CD5: variants seen among roughly 807,000 people sequenced by gnomAD.
CD5 encodes the protein T-cell surface glycoprotein CD5.
CD5 carries 36 observed loss-of-function variants against 60.3 expected under a neutral mutation model. The ratio of observed to expected loss-of-function variants is 0.60; its 90% CI spans 0.46 to 0.79. CD5 has a LOEUF of 0.79. Ranked by LOEUF, CD5 falls within the 30% of genes least tolerant of loss-of-function variation. CD5 has a pLI of 0.00. For missense variants in CD5, 540 were observed against 630.6 expected (o/e 0.86, Z 1.54); for synonymous variants, 230 against 257.6 (o/e 0.89, Z 1.03).
At chr11:61,096,828 C>G in the CD5 span, among the ~76,000 whole-genome samples, 2 of 152,212 alleles carry the variant, frequency 1.3e-5, no homozygotes, top group Non-Finnish European at 2.9e-5. Flanking sequence ...GGTGGTCAGC[C>G]AAGCCCCTGT....
In CD5 at chr11:61,126,702, T is replaced by G. The variant is rs532971998; in HGVS notation, c.*417T>G. 6.0e-4 allele frequency: 91 copies of G among 152,436 alleles called. No homozygotes were observed. Among genetic ancestry groups the G allele is most frequent in the African/African-American group, 2.1e-3 (89 of 41,580 alleles). The allele number at this position is 152,436 out of a possible 1,614,324, so 9.4% of individuals were successfully genotyped here. A position where few individuals can be genotyped will look rare whatever the true frequency, so the allele number is the denominator to read the frequency against. Reference sequence around the variant, plus strand: ...AATAGTTTTTTGTAAGTAGTGCTTTTCCTCCTTCCTGACAAATCGAGCGCT... The same window carrying G: ...AATAGTTTTTTGTAAGTAGTGCTTTGCCTCCTTCCTGACAAATCGAGCGCT... On this transcript the variant is annotated 3_prime_UTR_variant, in exon 11 of 11. Coordinates refer to ENST00000347785, the MANE Select transcript of CD5 (RefSeq NM_014207.4).
At chr11:61,124,968 C>G in intron 8 of CD5, 64 bp from the exon 9 acceptor site, 1 of 1,607,002 alleles carries the variant, frequency 6.2e-7, no homozygotes, top group Non-Finnish European at 8.5e-7. Flanking sequence ...TTCTGGGCAC[C>G]TGCTGGGGAA....
rs1565185067 is a variant in CD5, at chr11:61,116,555, CACACACCA to C, written c.94+1462_94+1469del. ...CACCCCACACCACACACACACACCA[CACACACCA>C]CACACACACCACACACACCACATGC... On this transcript the variant is annotated intron_variant, in intron 2 of 10. Transcript: ENST00000347785. 1.1e-3 allele frequency among the ~76,000 whole-genome samples: 108 copies of C among 99,578 alleles called. 1 individual carries two copies. Among genetic ancestry groups the C allele is most frequent in the African/African-American group, 3.1e-3 (81 of 26,100 alleles). The allele number at this position is 99,578 out of a possible 152,430, so 65.3% of individuals were successfully genotyped here.
chr11:61,119,206 C>T (rs1256880418), intron 4 of CD5, 28 bp from the exon 5 acceptor site: 1 of 1,543,090 alleles, frequency 6.5e-7, no homozygotes, highest in East Asian at 2.3e-5. Flanking sequence ...CTCAGGGTGG[C>T]TCCCCCTCCT....
At chr11:61,096,200 C>T in the CD5 span, among the ~76,000 whole-genome samples, 1 of 152,350 alleles carries the variant, frequency 6.6e-6, no homozygotes. Flanking sequence ...GTAACCAATG[C>T]GCCTGTTGTA....
chr11:61,104,110 T>C (rs1565182197), intron 1 of CD5, among the ~76,000 whole-genome samples: 1 of 120,094 alleles, frequency 8.3e-6, no homozygotes, highest in African/African-American at 3.2e-5. Context: ...GAGTACTGTG[T>C]GGGGGGAATG....
intron 8 of CD5, among the ~76,000 whole-genome samples, chr11:61,124,564 A>C (rs888074327): frequency 6.6e-6 from 1 of 151,858 alleles, no homozygotes; most frequent in Admixed American, 6.6e-5. Flanking sequence ...TAATGGATGG[A>C]GACATGGCGC....
chr11:61,116,457 CCA>C (rs1190327267), intron 2 of CD5, among the ~76,000 whole-genome samples: 2 of 138,722 alleles, frequency 1.4e-5, no homozygotes, highest in Non-Finnish European at 3.1e-5. Flanking sequence ...ACCACAAACA[CCA>C]CACACACACC....
chr11:61,106,855 T>G (rs1411414366), intron 1 of CD5, among the ~76,000 whole-genome samples: 1 of 152,174 alleles, frequency 6.6e-6, no homozygotes, highest in Non-Finnish European at 1.5e-5. Flanking sequence ...CCTTGCTGTG[T>G]CCACCTCAAA....
At chr11:61,122,807 G>C (rs1232125287) in intron 6 of CD5, 100 bp from the exon 7 acceptor site, 1 of 1,299,350 alleles carries the variant, frequency 7.7e-7, no homozygotes, top group African/African-American at 1.5e-5. Flanking sequence ...TTTCTCAGAT[G>C]AGCAAGGATG....
At chr11:61,107,101 CAGAT>C (rs1860787593) in intron 1 of CD5, among the ~76,000 whole-genome samples, 1 of 152,180 alleles carries the variant, frequency 6.6e-6, no homozygotes, top group African/African-American at 2.4e-5. Context: ...TGGAGACAGA[CAGAT>C]AGAGGAGGGC....
intron 1 of CD5, among the ~76,000 whole-genome samples, 189 bp from the exon 2 acceptor site, chr11:61,114,867 G>A (rs1382425531): frequency 2.0e-5 from 3 of 152,078 alleles, no homozygotes; most frequent in Admixed American, 6.6e-5. Flanking sequence ...GATAGTTGCA[G>A]CCCACTAGAT....
chr11:61,110,519 G>A (rs1401930526), intron 1 of CD5, among the ~76,000 whole-genome samples: 2 of 152,200 alleles, frequency 1.3e-5, no homozygotes, highest in East Asian at 3.8e-4. Context: ...CTGACTGAAC[G>A]GAATCACAAG....
At position 61,122,936 on chromosome 11, in the gene CD5, G is replaced by A. The variant is rs117646548; in HGVS notation, c.1129G>A (p.Ala377Thr). Residue 377 changes from alanine to threonine, a missense_variant, in exon 7 of 11, where the codon GCA (alanine) becomes ACA (threonine). Coordinates refer to ENST00000347785, the MANE Select transcript of CD5 (RefSeq NM_014207.4). Reference protein sequence around the residue: ...CQDPNPAGLAAGTVASIILAL... With the variant: ...CQDPNPAGLATGTVASIILAL... ...GGATCCAAACCCCGCAGGCCTGGCC[G>A]CAGGCACGGTGGCAAGCATCATCCT... is the stretch of plus-strand genomic sequence containing the variant. The A allele has an allele frequency of 0.011, 17,865 of 1,613,852 alleles. 130 individuals are homozygous for A. The highest frequency in any genetic ancestry group is 0.014 in the Non-Finnish European group (15,968 of 1,179,798).
intron 1 of CD5, among the ~76,000 whole-genome samples, chr11:61,112,016 G>A (rs1860863029): frequency 6.6e-6 from 1 of 152,240 alleles, no homozygotes. Context: ...TAGGCAGGAA[G>A]TGGCAGAGCT....
upstream of CD5, among the ~76,000 whole-genome samples, chr11:61,101,621 TATCAACATGGAGATCACACACACAC>T (rs1860688885): frequency 8.9e-6 from 1 of 111,830 alleles, no homozygotes; most frequent in Non-Finnish European, 1.8e-5. Context: ...CACACACACA[TATCAACATGGAGATCACACACACAC>T]ATCAACATGG....
intron 6 of CD5, 126 bp from the exon 7 acceptor site, chr11:61,122,781 C>G: frequency 9.7e-7 from 1 of 1,026,950 alleles, no homozygotes; most frequent in East Asian, 2.4e-5. Context: ...CATTGCCTTC[C>G]GTGCATGCTG....
upstream of CD5, among the ~76,000 whole-genome samples, chr11:61,099,844 C>T (rs575619542): frequency 2.4e-4 from 37 of 151,458 alleles, no homozygotes; most frequent in Admixed American, 1.7e-3. Flanking sequence ...ATCACACACA[C>T]AGCACAGAGA....
At chr11:61,105,372 G>T (rs74401485) in intron 1 of CD5, among the ~76,000 whole-genome samples, 60 of 152,298 alleles carry the variant, frequency 3.9e-4, no homozygotes, top group African/African-American at 1.4e-3. Context: ...CTTACCAACT[G>T]GGCGACCTTG....
Sources: gnomAD v4.1 joint callset for allele counts (sites outside exome capture counted in the v4.1 genomes callset) on GRCh38, gnomAD v4.1.1 for gene constraint, MANE v1.5 for transcripts, NCBI Gene and HGNC (gene_info 2026-07-23, HGNC 2026-07-21) for gene names.